GSK3B: variants seen among roughly 807,000 people sequenced by gnomAD.
GSK3B encodes glycogen synthase kinase 3 beta.
Under a neutral mutation model 56.4 loss-of-function variants are expected in GSK3B, and 15 were observed. That is an observed-to-expected ratio of 0.27 (90% confidence interval 0.18 to 0.41). GSK3B has a LOEUF of 0.41. GSK3B is among the 10% of genes least tolerant of loss of function. The pLI is 1.00. For synonymous variants in GSK3B, 181 were observed against 188.9 expected (o/e 0.96, Z 0.34); for missense variants, 300 against 513.4 (o/e 0.58, Z 4.02).
At chr3:119,928,930 AAC>A (rs2056916108) in intron 3 of GSK3B, among the ~76,000 whole-genome samples, 1 of 152,212 alleles carries the variant, frequency 6.6e-6, no homozygotes, top group Non-Finnish European at 1.5e-5. Context: ...TACATTACCT[AAC>A]ACACAATAAA....
intron 4 of GSK3B, among the ~76,000 whole-genome samples, chr3:119,920,433 G>T (rs2056828366): frequency 6.6e-6 from 1 of 152,018 alleles, no homozygotes; most frequent in Non-Finnish European, 1.5e-5. Flanking sequence ...TAGAGGTGGG[G>T]TCTCGCCATG....
intron 9 of GSK3B, among the ~76,000 whole-genome samples, chr3:119,844,284 A>G (rs957774550): frequency 5.3e-5 from 8 of 152,162 alleles, no homozygotes; most frequent in Non-Finnish European, 1.0e-4. Flanking sequence ...AAGCAAGAGC[A>G]AACACATTCA....
chr3:119,937,518 C>G (rs147384065), intron 3 of GSK3B, among the ~76,000 whole-genome samples: 37 of 152,180 alleles, frequency 2.4e-4, no homozygotes, highest in Admixed American at 8.5e-4. Context: ...TACTTGGCCT[C>G]AGGTATTCCT....
At chr3:120,084,675 G>T (rs1294324479) in intron 1 of GSK3B, 1 of 152,112 alleles carries the variant, frequency 6.6e-6, no homozygotes, top group South Asian at 2.1e-4. Flanking sequence ...TAGAAAAATA[G>T]AAAGTTAAAA....
chr3:120,019,075 C>A (rs1363187252), intron 1 of GSK3B, among the ~76,000 whole-genome samples: 1 of 152,096 alleles, frequency 6.6e-6, no homozygotes, highest in African/African-American at 2.4e-5. Flanking sequence ...AAAACCAAAT[C>A]TCTCTCATCA....
intron 7 of GSK3B, among the ~76,000 whole-genome samples, chr3:119,896,710 G>A (rs1284532850): frequency 1.3e-5 from 2 of 152,040 alleles, no homozygotes; most frequent in African/African-American, 2.4e-5. Flanking sequence ...ACCTTTTATT[G>A]CAAAAAAGGA....
intron 3 of GSK3B, among the ~76,000 whole-genome samples, chr3:119,928,895 AATC>A (rs1453329760): frequency 6.6e-6 from 1 of 152,204 alleles, no homozygotes. Context: ...TATTATAAGA[AATC>A]ATCAATGTGA....
intron 2 of GSK3B, among the ~76,000 whole-genome samples, chr3:119,982,445 G>A (rs573226564): frequency 2.6e-5 from 4 of 152,224 alleles, no homozygotes; most frequent in East Asian, 1.9e-4. Context: ...CAAACCCATC[G>A]CAAGGAAGCT....
At chr3:119,828,322 G>A (rs1054782945) in intron 10 of GSK3B, among the ~76,000 whole-genome samples, 2 of 152,190 alleles carry the variant, frequency 1.3e-5, no homozygotes, top group African/African-American at 4.8e-5. Context: ...GTAGACTGCT[G>A]TTTTAGTGGC....
chr3:119,829,053 A>G (rs1186378538), intron 10 of GSK3B, among the ~76,000 whole-genome samples: 1 of 152,206 alleles, frequency 6.6e-6, no homozygotes, highest in Non-Finnish European at 1.5e-5. Context: ...CACCTTTTCT[A>G]ACAATCACTG....
chr3:120,008,792 G>C (rs2107494581), intron 1 of GSK3B, among the ~76,000 whole-genome samples: 1 of 152,290 alleles, frequency 6.6e-6, no homozygotes, highest in South Asian at 2.1e-4. Context: ...TCAGGACATA[G>C]GCATGGGCAA....
intron 1 of GSK3B, among the ~76,000 whole-genome samples, chr3:120,052,293 T>C (rs948273064): frequency 6.6e-6 from 1 of 152,258 alleles, no homozygotes; most frequent in Non-Finnish European, 1.5e-5. Context: ...TCATTCTCTG[T>C]CTTTTAAGAG....
rs915538669 is a variant in GSK3B at position 119,925,613 on chromosome 3, T to C, written c.367-2130A>G. On this transcript the variant is annotated intron_variant, in intron 3 of 10. Transcript: ENST00000264235. ...AAAAATGGTCCTGTACTCAAGGTCA[T>C]TGCTCCAGAATTTTTTTTGTCTTTC... Among the ~76,000 whole-genome samples the C allele has an allele frequency of 3.3e-5, 5 of 152,168 alleles. No individual in the cohort carries two copies. In the East Asian group the frequency reaches 7.7e-4, roughly 23 times the overall value.
At chr3:119,863,349 T>C (rs1265981951) in intron 9 of GSK3B, 70 bp downstream of exon 9, 15 of 1,222,494 alleles carry the variant, frequency 1.2e-5, no homozygotes, top group Middle Eastern at 4.8e-4. Context: ...TTTTAATTAA[T>C]AGAATGTCAT....
chr3:119,888,247 G>A (rs576764878), intron 7 of GSK3B, among the ~76,000 whole-genome samples: 29 of 152,200 alleles, frequency 1.9e-4, no homozygotes, highest in Middle Eastern at 3.4e-3. Context: ...CAACTGTTGC[G>A]GGAAGTCAGG....
chr3:120,041,483 C>A, intron 1 of GSK3B: 1 of 248,614 alleles, frequency 4.0e-6, no homozygotes, highest in South Asian at 6.3e-5. Context: ...TCAATGTGAT[C>A]ATTGTTGGCT....
At chr3:119,904,138 A>T (rs2056657581) in intron 7 of GSK3B, among the ~76,000 whole-genome samples, 1 of 151,204 alleles carries the variant, frequency 6.6e-6, no homozygotes, top group African/African-American at 2.4e-5. Context: ...CAATAAAAAA[A>T]TTTGTGAAAA....
intron 1 of GSK3B, among the ~76,000 whole-genome samples, chr3:120,013,009 G>T (rs2057792709): frequency 6.6e-6 from 1 of 152,050 alleles, no homozygotes; most frequent in Admixed American, 6.6e-5. Context: ...TTTTACAAAA[G>T]CCTTGGCGGT....
chr3:120,054,207 T>C (rs764451277), intron 1 of GSK3B, among the ~76,000 whole-genome samples: 1 of 152,238 alleles, frequency 6.6e-6, no homozygotes, highest in African/African-American at 2.4e-5. Flanking sequence ...TATTTTATCC[T>C]TAGTTCAATC....
Sources: gnomAD v4.1 joint callset for allele counts (sites outside exome capture counted in the v4.1 genomes callset) on GRCh38, gnomAD v4.1.1 for gene constraint, MANE v1.5 for transcripts, NCBI Gene and HGNC (gene_info 2026-07-23, HGNC 2026-07-21) for gene names.